The following CACNA1H variants were observed in gnomAD, a reference collection of about 807,000 sequenced individuals.
The protein encoded by CACNA1H is calcium voltage-gated channel subunit alpha1 H, also known as voltage-dependent T-type calcium channel subunit alpha-1H.
CACNA1H carries 149 observed loss-of-function variants against 192.5 expected under a neutral mutation model. The ratio of observed to expected loss-of-function variants is 0.77; its 90% CI spans 0.68 to 0.89. The LOEUF is 0.89. Among genes scored for constraint, CACNA1H ranks in the 40% least tolerant of loss-of-function variants. The pLI is 0.00. For synonymous variants in CACNA1H, 2,202 were observed against 1,475.2 expected (o/e 1.49, Z -11.29); for missense variants, 4,257 against 3,423.5 (o/e 1.24, Z -6.08).
At chr16:1,211,431 G>C (rs1969435522) in intron 22 of CACNA1H, 50 bp from the exon 23 acceptor site, 1 of 1,610,808 alleles carries the variant, frequency 6.2e-7, no homozygotes, top group Non-Finnish European at 8.5e-7. Context: ...AGTCCGGTGT[G>C]GGGTGGGGCA....
At chr16:1,181,747 T>C (rs1364278874) in intron 2 of CACNA1H, among the ~76,000 whole-genome samples, 2 of 152,202 alleles carry the variant, frequency 1.3e-5, no homozygotes, top group African/African-American at 4.8e-5. Context: ...CTTTCATTCC[T>C]GGAGGTGGGG....
chr16:1,171,603 T>G (rs1204859830), intron 2 of CACNA1H, among the ~76,000 whole-genome samples: 1 of 152,202 alleles, frequency 6.6e-6, no homozygotes, highest in African/African-American at 2.4e-5. Context: ...AGGCGGCTTT[T>G]GTCCCTCGGA....
At chr16:1,183,903 C>T (rs563065024) in intron 2 of CACNA1H, among the ~76,000 whole-genome samples, 4 of 152,370 alleles carry the variant, frequency 2.6e-5, no homozygotes, top group Non-Finnish European at 5.9e-5. Context: ...AATTAATTCC[C>T]TCCTGGATCG....
At position 1,214,014 on chromosome 16, in the gene CACNA1H, C is replaced by T. The variant is rs985891870; in HGVS notation, c.4929+83C>T. ...CAACACAGTGGGCACAACCCTGGACCGGCGCTCCGCTGAGCCCTCGCTGGG... is the reference window on the plus strand; with the variant it reads ...CAACACAGTGGGCACAACCCTGGACTGGCGCTCCGCTGAGCCCTCGCTGGG... On this transcript the variant is annotated intron_variant, in intron 27 of 34. Coordinates refer to ENST00000348261, the MANE Select transcript of CACNA1H (RefSeq NM_021098.3). The T allele has an allele frequency of 5.8e-6, 7 of 1,209,248 alleles. No homozygotes were observed. The East Asian group carries it at 7.5e-5, about 13-fold the overall frequency. The allele number at this position is 1,209,248 out of a possible 1,614,324, so 74.9% of individuals were successfully genotyped here. A position where few individuals can be genotyped will look rare whatever the true frequency, so the allele number is the denominator to read the frequency against.
In CACNA1H at chr16:1,212,088, CGCG is replaced by C. The variant is rs1567543479; in HGVS notation, c.4716_4718del (p.Arg1573del). Reference sequence around the variant, plus strand: ...CGGCAGCACCAGGAGGCGGAGGAGGCGCGGCGGCGAGAGGAGAAGCGGCTGCGG... The same window carrying C: ...CGGCAGCACCAGGAGGCGGAGGAGGCGCGGCGAGAGGAGAAGCGGCTGCGG... On this transcript the variant is annotated inframe_deletion, in exon 25 of 35. Transcript: ENST00000348261. The C allele has an allele frequency of 6.2e-7, 1 of 1,611,998 alleles. No individual in the cohort carries two copies. Among genetic ancestry groups the C allele is most frequent in the South Asian group, 1.1e-5 (1 of 91,064 alleles).
intron 31 of CACNA1H, among the ~76,000 whole-genome samples, chr16:1,217,654 C>CAG (rs1970139840): frequency 6.6e-6 from 1 of 152,188 alleles, no homozygotes; most frequent in Non-Finnish European, 1.5e-5. Flanking sequence ...GTCACAGACA[C>CAG]ACACAATAAT....
chr16:1,188,198 C>T (rs1360995768), intron 2 of CACNA1H, among the ~76,000 whole-genome samples: 2 of 152,174 alleles, frequency 1.3e-5, no homozygotes, highest in African/African-American at 2.4e-5. Context: ...CCCCAGGATA[C>T]GTGAGCCAGC....
chr16:1,195,260 C>G (rs1478561881), intron 3 of CACNA1H, among the ~76,000 whole-genome samples, 172 bp from the exon 4 acceptor site: 1 of 122,466 alleles, frequency 8.2e-6, no homozygotes, highest in Non-Finnish European at 1.7e-5. Context: ...TGGGGCAGGG[C>G]GAGAGGCGAG....
In CACNA1H at chr16:1,209,948, G is replaced by A. The variant is rs1362845421; in HGVS notation, c.3745-87G>A. On this transcript the variant is annotated intron_variant, in intron 17 of 34. Transcript: ENST00000348261. ...GGAGAAGGCTGAGAAGGTGCTGGGA[G>A]GGGTGGCCGAGCTGAGCACAGAGGG... is the stretch of plus-strand genomic sequence containing the variant. 5 of 949,020 alleles carry A rather than the reference G, an allele frequency of 5.3e-6. No homozygotes were observed. In the South Asian group the frequency reaches 5.8e-5, roughly 11 times the overall value. The allele number at this position is 949,020 out of a possible 1,614,324, so 58.8% of individuals were successfully genotyped here.
chr16:1,181,552 G>A (rs1397692663), intron 2 of CACNA1H, among the ~76,000 whole-genome samples: 1 of 152,266 alleles, frequency 6.6e-6, no homozygotes, highest in African/African-American at 2.4e-5. Context: ...CGGAGAGGAG[G>A]GCTGGGATCA....
chr16:1,153,661 C>T, intron 1 of CACNA1H, 59 bp from the exon 2 acceptor site: 3 of 1,070,038 alleles, frequency 2.8e-6, no homozygotes, highest in Non-Finnish European at 3.5e-6. Context: ...AGCTCCGCGC[C>T]GCGGGAGGCA....
At chr16:1,211,356 G>C (rs1049256460) in intron 22 of CACNA1H, 62 bp downstream of exon 22, 1 of 1,608,548 alleles carries the variant, frequency 6.2e-7, no homozygotes, top group East Asian at 2.2e-5. Context: ...CCTTCCCAGC[G>C]TGGCTCCCAG....
chr16:1,191,217 T>C (rs1298261619), intron 2 of CACNA1H, among the ~76,000 whole-genome samples: 2 of 96,756 alleles, frequency 2.1e-5, no homozygotes, highest in Non-Finnish European at 2.0e-5. Context: ...CTGGCCTGGC[T>C]GTGTGGCCTC....
In CACNA1H at chr16:1,220,066, C is replaced by A; in HGVS notation, c.6134C>A (p.Pro2045Gln). Reference sequence around the variant, plus strand: ...CCTGCAGAGCCTGGTGAGAAAACCCCGGTGAGGCCGGTGACCCAGGGGGGC... The same window carrying A: ...CCTGCAGAGCCTGGTGAGAAAACCCAGGTGAGGCCGGTGACCCAGGGGGGC... ...LDPAEPGEKT[P>Q]VRPVTQGGSL... The change falls in exon 35 of 35, where the codon CCG (proline) becomes CAG (glutamine). Residue 2045 changes from proline to glutamine, a missense_variant. Pro to Gln is a moderately conservative substitution (Grantham distance 76). Transcript: ENST00000348261. 1 of 1,434,312 alleles carries A rather than the reference C, an allele frequency of 7.0e-7. No individual in the cohort carries two copies. The highest frequency in any genetic ancestry group is 1.5e-5 in the African/African-American group (1 of 67,054). The allele number at this position is 1,434,312 out of a possible 1,614,324, so 88.8% of individuals were successfully genotyped here. A position where few individuals can be genotyped will look rare whatever the true frequency, so the allele number is the denominator to read the frequency against.
At chr16:1,202,581 C>G in intron 9 of CACNA1H, 129 bp downstream of exon 9, 2 of 828,078 alleles carry the variant, frequency 2.4e-6, no homozygotes, top group East Asian at 2.8e-5. Context: ...GTGAAACAGA[C>G]CAGCTATGCC....
At chr16:1,188,676 AAG>A (rs1216950649) in intron 2 of CACNA1H, among the ~76,000 whole-genome samples, 8 of 152,144 alleles carry the variant, frequency 5.3e-5, no homozygotes, top group African/African-American at 1.9e-4. Context: ...TCAAGCTGGG[AAG>A]AGCAGTTTGG....
intron 21 of CACNA1H, 32 bp from the exon 22 acceptor site, chr16:1,211,136 A>G: frequency 4.4e-6 from 7 of 1,605,906 alleles, no homozygotes; most frequent in South Asian, 1.1e-5. Flanking sequence ...GCTGCCATAG[A>G]TGACTGCAGT....
rs191736482 is a variant in CACNA1H, at chr16:1,167,653, G to A, written c.299+13617G>A. ...CCAGCTGCTCCTGGTTGACCGGCCCGGCCTGTGTTACATAAAGCGGTTTGG... is the reference window on the plus strand; with the variant it reads ...CCAGCTGCTCCTGGTTGACCGGCCCAGCCTGTGTTACATAAAGCGGTTTGG... On this transcript the variant is annotated intron_variant, in intron 2 of 34. Transcript: ENST00000348261. The surrounding 1 kb of genome is among the most constrained non-coding windows in gnomAD (Gnocchi z 4.2). 8.0e-4 allele frequency among the ~76,000 whole-genome samples: 122 copies of A among 152,286 alleles called. 2 individuals are homozygous for A. In the East Asian group the frequency reaches 0.013, roughly 16 times the overall value.
intron 6 of CACNA1H, chr16:1,199,051 CGCGCA>C (rs1967383100): frequency 2.4e-5 from 6 of 245,842 alleles, no homozygotes; most frequent in African/African-American, 1.0e-4. Flanking sequence ...CTCCGCCCAC[CGCGCA>C]GTCGCTGCAC....
Sources: allele counts gnomAD v4.1 joint callset (sites outside exome capture counted in the v4.1 genomes callset), GRCh38; gene constraint gnomAD v4.1.1; non-coding constraint Gnocchi (gnomAD v3.1); transcripts MANE v1.5; gene names NCBI Gene and HGNC (gene_info 2026-07-23, HGNC 2026-07-21).